Variants in C20orf96 observed in about 807,000 individuals in gnomAD.
C20orf96 encodes the protein uncharacterized protein C20orf96.
In C20orf96, 57 loss-of-function variants were observed where a neutral mutation model predicts 52.6. The observed-to-expected ratio is 1.08, with a 90% CI of 0.88 to 1.35. The LOEUF (loss-of-function observed/expected upper bound fraction) is 1.35. Among genes scored for constraint, C20orf96 ranks in the 40% most tolerant of loss-of-function variants. The pLI is 0.00. For synonymous variants in C20orf96, 168 were observed against 157.2 expected (o/e 1.07, Z -0.51); for missense variants, 478 against 443.6 (o/e 1.08, Z -0.70).
intron 10 of C20orf96, among the ~76,000 whole-genome samples, chr20:274,047 AAAG>A (rs1292760917): frequency 6.8e-6 from 1 of 147,390 alleles, no homozygotes; most frequent in Non-Finnish European, 1.5e-5. Flanking sequence ...GGAAGGAAAG[AAAG>A]AAAAGAAAAG....
intron 4 of C20orf96, among the ~76,000 whole-genome samples, chr20:281,391 A>G (rs1362251410): frequency 2.6e-5 from 4 of 152,006 alleles, no homozygotes; most frequent in Non-Finnish European, 1.5e-5. Context: ...GAGTGCACTC[A>G]TGTGCACTCA....
intron 2 of C20orf96, 115 bp from the exon 3 acceptor site, chr20:289,791 T>TC (rs1319576327): frequency 2.6e-6 from 2 of 758,036 alleles, no homozygotes; most frequent in Non-Finnish European, 4.6e-6. Flanking sequence ...CTCAATCTTC[T>TC]CATCTGTAAA....
Position 276,869 on chromosome 20 carries a change from C to G in C20orf96, c.836G>C (p.Arg279Pro). 1 of 1,613,962 alleles carries G rather than the reference C, an allele frequency of 6.2e-7. No individual in the cohort carries two copies. The highest frequency in any genetic ancestry group is 8.5e-7 in the Non-Finnish European group (1 of 1,179,916). The stretch of plus-strand genomic sequence containing the variant: ...CTGTAGGAGAGCCTCTTCATAGGGA[C>G]GCTGGGTTTCCTGTGGAGGAAGAAG... ...ILSSVVAETQ[R>P]PYEEALLQKM... is the part of the protein sequence containing the mutation. Residue 279 changes from arginine to proline, a missense_variant, in exon 9 of 11, where the codon CGT becomes CCT. Physicochemically the swap from Arg to Pro is moderately radical, Grantham distance 103 (BLOSUM62 -2). Transcript: ENST00000360321.
intron 3 of C20orf96, among the ~76,000 whole-genome samples, chr20:288,792 G>GCTAGATTGT (rs768107770): frequency 1.3e-5 from 2 of 152,214 alleles, no homozygotes; most frequent in Non-Finnish European, 2.9e-5. Flanking sequence ...ACATAAGTAT[G>GCTAGATTGT]CTAGATTGTC....
intron 6 of C20orf96, 63 bp from the exon 7 acceptor site, chr20:277,446 C>CCCCAGGAGG (rs1228836192): frequency 6.4e-7 from 1 of 1,570,092 alleles, no homozygotes; most frequent in East Asian, 2.2e-5. Context: ...AGCACCTGGG[C>CCCCAGGAGG]CCCAGGAGGC....
intron 3 of C20orf96, among the ~76,000 whole-genome samples, chr20:286,684 CA>C: frequency 6.6e-6 from 1 of 152,258 alleles, no homozygotes; most frequent in East Asian, 1.9e-4. Context: ...CAACATCCTG[CA>C]AAAGTACGGT....
intron 4 of C20orf96, among the ~76,000 whole-genome samples, chr20:283,529 C>T (rs982288542): frequency 5.9e-5 from 9 of 152,094 alleles, no homozygotes; most frequent in Non-Finnish European, 1.2e-4. Context: ...GTCTCGAACT[C>T]CTGACGTCAA....
At chr20:286,871 AT>A (rs1210669906) in intron 3 of C20orf96, among the ~76,000 whole-genome samples, 1 of 152,080 alleles carries the variant, frequency 6.6e-6, no homozygotes, top group African/African-American at 2.4e-5. Flanking sequence ...CATTTCTATA[AT>A]TTTGTGATCC....
intron 3 of C20orf96, among the ~76,000 whole-genome samples, chr20:286,127 G>T (rs73572440): frequency 0.019 from 2,946 of 152,190 alleles, 81 homozygotes; most frequent in African/African-American, 0.066. Flanking sequence ...TAATAATGAG[G>T]ATTTATTTTC....
intron 2 of C20orf96, 27 bp downstream of exon 2, chr20:290,232 C>T (rs377613478): frequency 5.7e-6 from 9 of 1,590,018 alleles, no homozygotes; most frequent in Admixed American, 5.1e-5. Flanking sequence ...GAGCCTCCCA[C>T]CCCAGCCCTA....
At chr20:288,656 G>T (rs574040338) in intron 3 of C20orf96, among the ~76,000 whole-genome samples, 1 of 152,226 alleles carries the variant, frequency 6.6e-6, no homozygotes, top group South Asian at 2.1e-4. Flanking sequence ...GTGAGATGCA[G>T]GGCAACTTGG....
At chr20:288,174 C>CTTTTTCTTTTTTTTTT (rs760222046) in intron 3 of C20orf96, among the ~76,000 whole-genome samples, 1 of 66,040 alleles carries the variant, frequency 1.5e-5, no homozygotes. Flanking sequence ...TTTTCTTTTT[C>CTTTTTCTTTTTTTTTT]TTTTTTTTTT....
chr20:275,328 G>A (rs891460156), intron 10 of C20orf96, among the ~76,000 whole-genome samples: 4 of 152,118 alleles, frequency 2.6e-5, no homozygotes, highest in African/African-American at 4.8e-5. Context: ...GGGGCGGGGG[G>A]CGGTTTAGAA....
In C20orf96 at chr20:283,948, AGAT is replaced by A; in HGVS notation, c.306+12_306+14del. 6.4e-7 allele frequency: 1 copy of A among 1,559,194 alleles called. No individual in the cohort carries two copies. Among genetic ancestry groups the A allele is most frequent in the Non-Finnish European group, 8.9e-7 (1 of 1,129,886 alleles). ...CTGTCCTGGGCCCAGTGTCCAGGGA[AGAT>A]GTGCCTCATACCTTCATTAACCAGA... On this transcript the variant is annotated intron_variant, in intron 4 of 10. Transcript: ENST00000360321.
chr20:277,482 G>C (rs2012070702), intron 6 of C20orf96, 99 bp from the exon 7 acceptor site: 2 of 1,248,824 alleles, frequency 1.6e-6, no homozygotes, highest in African/African-American at 1.5e-5. Flanking sequence ...TCCTTGGCCA[G>C]TAACTGGGGT....
intron 10 of C20orf96, among the ~76,000 whole-genome samples, chr20:274,340 G>A (rs1265433558): frequency 6.6e-6 from 1 of 152,090 alleles, no homozygotes; most frequent in Admixed American, 6.6e-5. Flanking sequence ...GTGAGTGTGA[G>A]GAGAGGAAGG....
In C20orf96 at chr20:275,885, A is replaced by C. The variant is rs929728217; in HGVS notation, c.1031+83T>G. ...TGTACAGGGTTCTGCCATCCACACC[A>C]GGCTGCCTTCCCCAAGAACAGAGAG... On this transcript the variant is annotated intron_variant, in intron 10 of 10. Coordinates refer to ENST00000360321, the MANE Select transcript of C20orf96 (RefSeq NM_153269.3). The C allele has an allele frequency of 3.0e-6, 4 of 1,318,116 alleles. No homozygotes were observed. In the African/African-American group the frequency reaches 5.8e-5, roughly 19 times the overall value. The allele number at this position is 1,318,116 out of a possible 1,614,324, so 81.7% of individuals were successfully genotyped here.
At chr20:280,429 C>G (rs2012222753) in intron 4 of C20orf96, among the ~76,000 whole-genome samples, 1 of 152,240 alleles carries the variant, frequency 6.6e-6, no homozygotes, top group East Asian at 1.9e-4. Context: ...TGAGGGCCCT[C>G]TACATGCCAG....
chr20:274,173 T>C (rs1469317661), intron 10 of C20orf96, among the ~76,000 whole-genome samples: 1 of 152,018 alleles, frequency 6.6e-6, no homozygotes, highest in East Asian at 1.9e-4. Context: ...AGGCTCTGCT[T>C]AACAGTGTGC....
Sources: gnomAD v4.1 joint callset for allele counts (sites outside exome capture counted in the v4.1 genomes callset) on GRCh38, gnomAD v4.1.1 for gene constraint, MANE v1.5 for transcripts, NCBI Gene and HGNC (gene_info 2026-07-23, HGNC 2026-07-21) for gene names.